GABRA3: variants seen among roughly 807,000 people sequenced by gnomAD.
The protein encoded by GABRA3 is gamma-aminobutyric acid type A receptor subunit alpha3.
In GABRA3, 10 loss-of-function variants were observed where a neutral mutation model predicts 30.1. That is an observed-to-expected ratio of 0.33 (90% CI 0.20 to 0.56). GABRA3 has a LOEUF of 0.56. GABRA3 is among the 20% of genes least tolerant of loss of function. The pLI, the probability that GABRA3 is intolerant of heterozygous loss-of-function variation, is 0.89. For missense variants in GABRA3, 233 were observed against 392.0 expected, an observed-to-expected ratio of 0.59 and a Z score of 3.42; for synonymous variants, 151 against 146.8, an observed-to-expected ratio of 1.03 and a Z score of -0.21.
chrX:152,283,308 T>A (rs1310092633), intron 4 of GABRA3, among the ~76,000 whole-genome samples: 1 of 111,574 alleles, frequency 9.0e-6, no homozygotes, highest in African/African-American at 3.3e-5. Context: ...TGCTGTTAAG[T>A]GCCAGGGAAG....
chrX:152,326,905 T>C (rs755424313), intron 3 of GABRA3, among the ~76,000 whole-genome samples: 3 of 110,818 alleles, frequency 2.7e-5, no homozygotes, highest in South Asian at 3.8e-4. Flanking sequence ...AGACACAGAC[T>C]GGCAAATTGG....
intron 8 of GABRA3, among the ~76,000 whole-genome samples, chrX:152,196,079 A>T (rs1055861849): frequency 3.7e-4 from 41 of 109,796 alleles, no homozygotes; most frequent in African/African-American, 1.3e-3. Flanking sequence ...TCACGTTAAG[A>T]CATTAGCTTA....
intron 3 of GABRA3, among the ~76,000 whole-genome samples, chrX:152,286,833 C>A (rs1939305256): frequency 1.8e-5 from 2 of 111,886 alleles, no homozygotes; most frequent in African/African-American, 6.5e-5. Context: ...ACAATTTACT[C>A]CCAAACTTAA....
intron 1 of GABRA3, among the ~76,000 whole-genome samples, chrX:152,428,218 A>C (rs1445988620): frequency 8.9e-6 from 1 of 111,805 alleles, no homozygotes; most frequent in Non-Finnish European, 1.9e-5. Flanking sequence ...GCCCCGTCCT[A>C]ACAGTGCACT....
intron 1 of GABRA3, among the ~76,000 whole-genome samples, chrX:152,441,011 T>TAAA (rs3042367): frequency 2.0e-5 from 2 of 97,665 alleles, no homozygotes; most frequent in Non-Finnish European, 4.0e-5. Context: ...TATAGTATAA[T>TAAA]AAAAAAAAAA....
intron 5 of GABRA3, among the ~76,000 whole-genome samples, chrX:152,250,167 C>G (rs909225565): frequency 9.0e-6 from 1 of 111,235 alleles, no homozygotes; most frequent in African/African-American, 3.3e-5. Context: ...CTTTGATAAC[C>G]CTATATCATT....
chrX:152,410,286 C>T (rs1309275524), intron 1 of GABRA3, among the ~76,000 whole-genome samples: 3 of 110,969 alleles, frequency 2.7e-5, no homozygotes, highest in Non-Finnish European at 5.7e-5. Flanking sequence ...TTAGAAGGAA[C>T]AAGAGGTAGT....
chrX:152,185,886 T>G lies in GABRA3; in HGVS notation c.1143+3844A>C, dbSNP rs193246375. ...TATTTTCAATGTTTAATTGTTAAGC[T>G]TTTTTAATCCCAGGTCTATTTTTTT... On this transcript the variant is annotated intron_variant, in intron 9 of 9. Coordinates refer to ENST00000370314, the MANE Select transcript of GABRA3 (RefSeq NM_000808.4). Among the ~76,000 whole-genome samples, 9 of 112,393 alleles carry G rather than the reference T, an allele frequency of 8.0e-5. No homozygotes were observed. In the East Asian group the frequency reaches 2.2e-3, roughly 28 times the overall value.
rs1603199813 is a variant in GABRA3, at chrX:152,181,543, T to A, written c.1143+8187A>T. ...GTAGGGACATGGATGAAATTGGAAA[T>A]CATCATTCTCAGTAAACTATCACAA... On this transcript the variant is annotated intron_variant, in intron 9 of 9. Coordinates refer to ENST00000370314, the MANE Select transcript of GABRA3 (RefSeq NM_000808.4). Among the ~76,000 whole-genome samples, 4 of 109,907 alleles carry A rather than the reference T, an allele frequency of 3.6e-5. 1 individual carries two copies. The Admixed American group carries it at 3.9e-4, about 11-fold the overall frequency.
chrX:152,368,467 A>G (rs1487713222), intron 1 of GABRA3, among the ~76,000 whole-genome samples: 1 of 111,183 alleles, frequency 9.0e-6, no homozygotes, highest in Non-Finnish European at 1.9e-5. Flanking sequence ...AAATGACAAG[A>G]TTTCACTGTT....
At chrX:152,330,216 T>A (rs780422327) in intron 3 of GABRA3, among the ~76,000 whole-genome samples, 1 of 111,793 alleles carries the variant, frequency 8.9e-6, no homozygotes, top group Non-Finnish European at 1.9e-5. Flanking sequence ...TTGGAAAGGA[T>A]GTGGAGAAAT....
chrX:152,293,915 G>C (rs1039616651), intron 3 of GABRA3, among the ~76,000 whole-genome samples: 8 of 111,433 alleles, frequency 7.2e-5, no homozygotes, highest in African/African-American at 2.3e-4. Flanking sequence ...TGACATTCTG[G>C]GTTGAAAATT....
intron 1 of GABRA3, among the ~76,000 whole-genome samples, chrX:152,419,023 C>T (rs1466588460): frequency 9.0e-6 from 1 of 111,133 alleles, no homozygotes; most frequent in Non-Finnish European, 1.9e-5. Context: ...CCATCATTCT[C>T]AGCAAACTAC....
intron 1 of GABRA3, among the ~76,000 whole-genome samples, chrX:152,420,452 A>G (rs1451662872): frequency 8.9e-6 from 1 of 111,773 alleles, no homozygotes; most frequent in Non-Finnish European, 1.9e-5. Flanking sequence ...ATACCACAAA[A>G]AAATTTAGAA....
chrX:152,185,949 T>C (rs1332540530), intron 9 of GABRA3, among the ~76,000 whole-genome samples: 2 of 112,191 alleles, frequency 1.8e-5, no homozygotes, highest in African/African-American at 6.5e-5. Context: ...ATTTAGCAAA[T>C]GTTAATATTT....
At chrX:152,409,170 T>C (rs887955045) in intron 1 of GABRA3, among the ~76,000 whole-genome samples, 4 of 110,765 alleles carry the variant, frequency 3.6e-5, no homozygotes, top group African/African-American at 6.6e-5. Context: ...CTGGGTAACA[T>C]AGTGAGACCC....
At chrX:152,220,485 G>A (rs184789260) in intron 6 of GABRA3, among the ~76,000 whole-genome samples, 92 of 111,556 alleles carry the variant, frequency 8.2e-4, no homozygotes, top group African/African-American at 3.0e-3. Flanking sequence ...TCCCAGTGGA[G>A]TTTATTACAA....
intron 3 of GABRA3, among the ~76,000 whole-genome samples, chrX:152,312,742 T>A (rs1204524862): frequency 9.0e-6 from 1 of 111,722 alleles, no homozygotes. Flanking sequence ...CTGACAAAGA[T>A]CTAATTTCCA....
At chrX:152,358,934 A>G (rs1940592068) in intron 2 of GABRA3, among the ~76,000 whole-genome samples, 1 of 111,510 alleles carries the variant, frequency 9.0e-6, no homozygotes, top group African/African-American at 3.3e-5. Flanking sequence ...GGTGGATTCA[A>G]TTTTTGATAT....
Sources: gnomAD v4.1 joint callset for allele counts (sites outside exome capture counted in the v4.1 genomes callset) on GRCh38, gnomAD v4.1.1 for gene constraint, MANE v1.5 for transcripts, NCBI Gene and HGNC (gene_info 2026-07-23, HGNC 2026-07-21) for gene names.